Variants in SLCO5A1 observed in about 807,000 individuals in gnomAD.
SLCO5A1 encodes solute carrier organic anion transporter family member 5A1, also known as organic anion transporter polypeptide-related protein 4.
Under a neutral mutation model 65.1 loss-of-function variants are expected in SLCO5A1, and 39 were observed. That is an observed-to-expected ratio of 0.60 (90% CI 0.46 to 0.78). SLCO5A1 has a LOEUF of 0.78. Ranked by LOEUF, SLCO5A1 falls within the 30% of genes least tolerant of loss-of-function variation. SLCO5A1 has a pLI of 0.00. For missense variants in SLCO5A1, 1,029 were observed against 1,069.4 expected (o/e 0.96, Z 0.53); for synonymous variants, 438 against 415.7 (o/e 1.05, Z -0.65).
At chr8:69,696,365 G>A (rs540367956) in intron 6 of SLCO5A1, among the ~76,000 whole-genome samples, 1 of 152,340 alleles carries the variant, frequency 6.6e-6, no homozygotes, top group East Asian at 1.9e-4. Context: ...GAGCCAGCCT[G>A]CCCGATCGAA....
intron 6 of SLCO5A1, among the ~76,000 whole-genome samples, chr8:69,696,445 T>C (rs574182000): frequency 5.3e-4 from 80 of 152,312 alleles, no homozygotes; most frequent in African/African-American, 1.9e-3. Context: ...GAGAAAAAAC[T>C]GTGGGCCTCC....
rs1355355921 is a variant in SLCO5A1, at chr8:69,833,120, G to C, written c.-447C>G. 6.1e-6 allele frequency: 1 copy of C among 163,340 alleles called. No individual in the cohort carries two copies. Among genetic ancestry groups the C allele is most frequent in the East Asian group, 1.9e-4 (1 of 5,348 alleles). The allele number at this position is 163,340 out of a possible 1,614,324, so 10.1% of individuals were successfully genotyped here. ...CCCACCTCGCTGCGCCAGGGGTACC[G>C]GGTGTTCGCCGCCTGGGCTCGCGGC... is the stretch of plus-strand genomic sequence containing the variant. On this transcript the variant is annotated 5_prime_UTR_variant, in exon 2 of 10. Transcript: ENST00000260126.
intron 2 of SLCO5A1, among the ~76,000 whole-genome samples, chr8:69,774,158 G>A (rs1436876134): frequency 3.3e-5 from 5 of 152,158 alleles, no homozygotes; most frequent in Admixed American, 6.5e-5. Context: ...ATGAAGACAT[G>A]GACTTTGAAT....
chr8:69,740,105 T>C (rs1385048683), intron 4 of SLCO5A1, among the ~76,000 whole-genome samples: 3 of 152,252 alleles, frequency 2.0e-5, no homozygotes. Context: ...TGCATGATGG[T>C]TCTCTCTTCT....
intron 5 of SLCO5A1, among the ~76,000 whole-genome samples, chr8:69,727,161 A>G (rs1358015159): frequency 2.0e-5 from 3 of 152,140 alleles, no homozygotes; most frequent in Non-Finnish European, 4.4e-5. Flanking sequence ...TTCCCTGTGC[A>G]TAGTGCCAGG....
At position 69,777,699 on chromosome 8, in the gene SLCO5A1, C is replaced by T. The variant is rs534633054; in HGVS notation, c.908-15824G>A. Among the ~76,000 whole-genome samples the T allele has an allele frequency of 1.4e-4, 21 of 152,254 alleles. No individual in the cohort carries two copies. The South Asian group carries it at 3.7e-3, about 27-fold the overall frequency. ...AAATTTCATATTGTTCAGCTCTGTC[C>T]CCACCGGGGATGTGAATCCTCCCTT... On this transcript the variant is annotated intron_variant, in intron 2 of 9. Coordinates refer to ENST00000260126, the MANE Select transcript of SLCO5A1 (RefSeq NM_030958.3).
rs1236956270 is a variant in SLCO5A1 at position 69,810,728 on chromosome 8, C to T, written c.907+21039G>A. The stretch of plus-strand genomic sequence containing the variant: ...CAGTTAGAGAAGGAAGAACAAGAGA[C>T]TTTAATAATAATTTACAAAGTATAA... On this transcript the variant is annotated intron_variant, in intron 2 of 9. Coordinates refer to ENST00000260126, the MANE Select transcript of SLCO5A1 (RefSeq NM_030958.3). 2.6e-5 allele frequency among the ~76,000 whole-genome samples: 4 copies of T among 152,150 alleles called. No individual in the cohort carries two copies. The East Asian group carries it at 7.7e-4, about 29-fold the overall frequency.
At chr8:69,822,466 T>C (rs1824861196) in intron 2 of SLCO5A1, among the ~76,000 whole-genome samples, 1 of 152,250 alleles carries the variant, frequency 6.6e-6, no homozygotes, top group Admixed American at 6.5e-5. Flanking sequence ...CTGATCAAAA[T>C]GTTCCTGTTC....
chr8:69,761,372 C>T (rs750950130), intron 3 of SLCO5A1: 55 of 192,484 alleles, frequency 2.9e-4, no homozygotes, highest in Non-Finnish European at 5.0e-4. Flanking sequence ...GCTCGCAGCC[C>T]CTTCCTCCAT....
At chr8:69,685,566 G>A (rs749146573) in intron 6 of SLCO5A1, among the ~76,000 whole-genome samples, 3 of 152,168 alleles carry the variant, frequency 2.0e-5, no homozygotes, top group South Asian at 2.1e-4. Context: ...AGTGAGGCAC[G>A]GGGCCTCGAT....
At chr8:69,701,550 C>T (rs11785085) in intron 6 of SLCO5A1, among the ~76,000 whole-genome samples, 16,998 of 152,234 alleles carry the variant, frequency 0.11, 1,189 homozygotes, top group Non-Finnish European at 0.16. Context: ...GTCCTTTATC[C>T]TAACCCAGAC....
chr8:69,745,628 C>T (rs1476801164), intron 4 of SLCO5A1, among the ~76,000 whole-genome samples: 1 of 152,058 alleles, frequency 6.6e-6, no homozygotes, highest in East Asian at 1.9e-4. Context: ...TGGATATATC[C>T]ACACATACTA....
At chr8:69,747,505 C>G (rs1817088136) in intron 4 of SLCO5A1, among the ~76,000 whole-genome samples, 2 of 152,102 alleles carry the variant, frequency 1.3e-5, no homozygotes, top group Admixed American at 1.3e-4. Context: ...GACCATATAA[C>G]AACTATTTAC....
chr8:69,731,942 C>T (rs1428344523), intron 5 of SLCO5A1, among the ~76,000 whole-genome samples: 1 of 152,160 alleles, frequency 6.6e-6, no homozygotes, highest in Non-Finnish European at 1.5e-5. Flanking sequence ...TATTTAAATG[C>T]TTAATCTCAA....
At chr8:69,729,836 C>T (rs16936382) in intron 5 of SLCO5A1, among the ~76,000 whole-genome samples, 4,804 of 152,208 alleles carry the variant, frequency 0.032, 258 homozygotes, top group African/African-American at 0.11. Flanking sequence ...AAATAGTCAC[C>T]TCTTACCATT....
At chr8:69,713,463 C>T (rs1815368740) in intron 5 of SLCO5A1, 1 of 152,120 alleles carries the variant, frequency 6.6e-6, no homozygotes, top group Non-Finnish European at 1.5e-5. Flanking sequence ...CTCTCCCTCC[C>T]TCCTCCCTTT....
intron 6 of SLCO5A1, among the ~76,000 whole-genome samples, chr8:69,694,543 T>C (rs546888750): frequency 3.9e-5 from 6 of 152,254 alleles, no homozygotes; most frequent in African/African-American, 1.4e-4. Context: ...GTTGAGCAGG[T>C]TGTACACTGC....
At chr8:69,739,882 T>C (rs1251990360) in intron 4 of SLCO5A1, among the ~76,000 whole-genome samples, 1 of 152,156 alleles carries the variant, frequency 6.6e-6, no homozygotes, top group Non-Finnish European at 1.5e-5. Context: ...CTATCAACAT[T>C]TAAAGATTCA....
At chr8:69,710,861 C>A (rs1401511161) in intron 5 of SLCO5A1, among the ~76,000 whole-genome samples, 2 of 152,104 alleles carry the variant, frequency 1.3e-5, no homozygotes, top group Admixed American at 6.5e-5. Context: ...GCTGCACTAT[C>A]AAAACAGAAA....
Sources: gnomAD v4.1 joint callset for allele counts (sites outside exome capture counted in the v4.1 genomes callset) on GRCh38, gnomAD v4.1.1 for gene constraint, MANE v1.5 for transcripts, NCBI Gene and HGNC (gene_info 2026-07-23, HGNC 2026-07-21) for gene names.